Variants in COL19A1 observed in about 807,000 individuals in gnomAD.
COL19A1 encodes collagen type XIX alpha 1 chain.
A neutral mutation model predicts 190.2 loss-of-function variants in COL19A1; 159 were observed. The ratio of observed to expected loss-of-function variants is 0.84; its 90% CI spans 0.73 to 0.95. The LOEUF (loss-of-function observed/expected upper bound fraction) is 0.95, where lower values mean the gene tolerates loss of function less well. Among genes scored for constraint, COL19A1 ranks in the 40% least tolerant of loss-of-function variants. COL19A1 has a pLI of 0.00. For synonymous variants in COL19A1, 509 were observed against 458.9 expected (o/e 1.11, Z -1.39); for missense variants, 1,418 against 1,431.9 (o/e 0.99, Z 0.16).
chr6:69,907,407 G>A (rs999791898), intron 4 of COL19A1, among the ~76,000 whole-genome samples: 3 of 152,092 alleles, frequency 2.0e-5, no homozygotes, highest in African/African-American at 4.8e-5. Flanking sequence ...TGGGATTACA[G>A]GCATGAGCCA....
intron 33 of COL19A1, 33 bp from the exon 34 acceptor site, chr6:70,156,637 T>A: frequency 6.2e-7 from 1 of 1,606,104 alleles, no homozygotes; most frequent in Non-Finnish European, 8.5e-7. Flanking sequence ...GAAAAATGAT[T>A]GCATGTGCTA....
At chr6:70,146,437 A>G (rs1166148974) in intron 25 of COL19A1, among the ~76,000 whole-genome samples, 1 of 152,062 alleles carries the variant, frequency 6.6e-6, no homozygotes, top group Admixed American at 6.5e-5. Context: ...ATATTTCTCA[A>G]TATCAGGTGC....
At chr6:70,067,368 G>C (rs1156622545) in intron 14 of COL19A1, among the ~76,000 whole-genome samples, 1 of 152,092 alleles carries the variant, frequency 6.6e-6, no homozygotes, top group Non-Finnish European at 1.5e-5. Flanking sequence ...AGAAGTTTAA[G>C]AGAGTTGAAT....
At chr6:69,980,109 A>T (rs985146975) in intron 11 of COL19A1, among the ~76,000 whole-genome samples, 1 of 151,996 alleles carries the variant, frequency 6.6e-6, no homozygotes, top group African/African-American at 2.4e-5. Context: ...ATAGTCAAAA[A>T]TTTTTTGAGA....
chr6:70,097,849 A>C (rs975140345), intron 15 of COL19A1, among the ~76,000 whole-genome samples: 8 of 152,150 alleles, frequency 5.3e-5, no homozygotes, highest in Admixed American at 5.2e-4. Flanking sequence ...AATTTATCAG[A>C]GTTGCTTCTG....
At chr6:70,062,132 A>G (rs1385771463) in intron 14 of COL19A1, among the ~76,000 whole-genome samples, 1 of 152,102 alleles carries the variant, frequency 6.6e-6, no homozygotes, top group Non-Finnish European at 1.5e-5. Context: ...GATAAAAGAA[A>G]TGAGAGTGAT....
At chr6:70,130,730 G>T (rs1389670811) in intron 18 of COL19A1, among the ~76,000 whole-genome samples, 1 of 152,254 alleles carries the variant, frequency 6.6e-6, no homozygotes, top group Non-Finnish European at 1.5e-5. Flanking sequence ...CTGCTGAGTA[G>T]CAGTTGGCTA....
intron 17 of COL19A1, among the ~76,000 whole-genome samples, chr6:70,124,662 A>G (rs1785088352): frequency 6.6e-6 from 1 of 152,138 alleles, no homozygotes; most frequent in Non-Finnish European, 1.5e-5. Flanking sequence ...AAAGAACCCC[A>G]GTTATTCTTC....
intron 15 of COL19A1, among the ~76,000 whole-genome samples, chr6:70,086,157 C>T (rs1418380001): frequency 1.3e-5 from 2 of 151,992 alleles, no homozygotes; most frequent in South Asian, 2.1e-4. Context: ...CTATACTTTT[C>T]GTATTTCTAT....
chr6:69,996,149 T>C (rs975437147), intron 11 of COL19A1, among the ~76,000 whole-genome samples: 6 of 152,194 alleles, frequency 3.9e-5, no homozygotes, highest in Non-Finnish European at 8.8e-5. Flanking sequence ...ACCTATAAAT[T>C]CTTCTTTATC....
At chr6:69,996,760 A>G (rs1453777593) in intron 11 of COL19A1, among the ~76,000 whole-genome samples, 1 of 152,046 alleles carries the variant, frequency 6.6e-6, no homozygotes, top group Admixed American at 6.6e-5. Context: ...CCTTTAAAAA[A>G]CTATAACAAG....
intron 49 of COL19A1, chr6:70,199,965 G>T: frequency 2.4e-6 from 1 of 417,952 alleles, no homozygotes; most frequent in Non-Finnish European, 4.5e-6. Context: ...CCAAATGAGA[G>T]TTACCTGGTA....
chr6:70,033,290 A>G (rs1389663555), intron 12 of COL19A1, among the ~76,000 whole-genome samples: 1 of 152,104 alleles, frequency 6.6e-6, no homozygotes, highest in East Asian at 1.9e-4. Flanking sequence ...GGCATTATTT[A>G]TTCACTACAA....
At chr6:70,064,107 A>T (rs1284055102) in intron 14 of COL19A1, among the ~76,000 whole-genome samples, 1 of 152,180 alleles carries the variant, frequency 6.6e-6, no homozygotes, top group Non-Finnish European at 1.5e-5. Context: ...AAAAGAGAGA[A>T]TCCTCCCTAA....
chr6:70,166,522 G>T (rs978695271), intron 37 of COL19A1, among the ~76,000 whole-genome samples: 2 of 152,256 alleles, frequency 1.3e-5, no homozygotes, highest in Admixed American at 1.3e-4. Flanking sequence ...CGGTGGAGAG[G>T]AGAGGAGCCT....
intron 14 of COL19A1, among the ~76,000 whole-genome samples, chr6:70,059,449 G>A (rs1212210672): frequency 1.3e-5 from 2 of 152,082 alleles, no homozygotes; most frequent in Admixed American, 6.6e-5. Flanking sequence ...CTTCTGTTCT[G>A]AACCAGTTAA....
chr6:69,949,792 T>TTTTGC (rs755551842), intron 9 of COL19A1, among the ~76,000 whole-genome samples: 21 of 151,860 alleles, frequency 1.4e-4, no homozygotes, highest in Non-Finnish European at 2.5e-4. Context: ...CTTTGTTTTG[T>TTTTGC]TTTGCTTTGC....
At chr6:70,189,570 A>G (rs1392367926) in intron 47 of COL19A1, among the ~76,000 whole-genome samples, 1 of 152,206 alleles carries the variant, frequency 6.6e-6, no homozygotes, top group Non-Finnish European at 1.5e-5. Context: ...TCTAACCATC[A>G]AGAAAAAAAT....
At chr6:70,017,827 T>TG (rs1214124477) in intron 11 of COL19A1, among the ~76,000 whole-genome samples, 5 of 152,084 alleles carry the variant, frequency 3.3e-5, no homozygotes, top group South Asian at 2.1e-4. Flanking sequence ...GACTAAAAGG[T>TG]GTCTGATGGT....
Sources: gnomAD v4.1 joint callset for allele counts (sites outside exome capture counted in the v4.1 genomes callset) on GRCh38, gnomAD v4.1.1 for gene constraint, MANE v1.5 for transcripts, NCBI Gene and HGNC (gene_info 2026-07-23, HGNC 2026-07-21) for gene names.